The following MYO16 variants were observed in gnomAD, a reference collection of about 807,000 sequenced individuals.
The protein encoded by MYO16 is myosin XVI.
In MYO16, 94 loss-of-function variants were observed where a neutral mutation model predicts 205.3. That is an observed-to-expected ratio of 0.46 (90% CI 0.39 to 0.54). The LOEUF (loss-of-function observed/expected upper bound fraction) is 0.54. Among genes scored for constraint, MYO16 ranks in the 20% least tolerant of loss-of-function variants. MYO16 has a pLI of 0.00. For synonymous variants in MYO16, 988 were observed against 954.0 expected (o/e 1.04, Z -0.66); for missense variants, 2,315 against 2,387.5 (o/e 0.97, Z 0.63).
chr13:108,790,176 C>T (rs538195537), intron 5 of MYO16, among the ~76,000 whole-genome samples: 2 of 152,280 alleles, frequency 1.3e-5, no homozygotes, highest in East Asian at 3.9e-4. Flanking sequence ...AAAACCATCA[C>T]AATAGCGGCA....
rs116512396 is a variant in MYO16, at chr13:108,848,003, G to A, written c.1248+3510G>A. On this transcript the variant is annotated intron_variant, in intron 10 of 34. Coordinates refer to ENST00000457511, the MANE Select transcript of MYO16 (RefSeq NM_001198950.3). ...TGACAGCCTGGAGTAGAGAGAGAGC[G>A]GGAAAGAGGCGTGCAGCTTTGCCGT... Among the ~76,000 whole-genome samples, 333 of 152,284 alleles carry A rather than the reference G, an allele frequency of 2.2e-3. 2 individuals carry two copies. The highest frequency in any genetic ancestry group is 7.5e-3 in the African/African-American group (311 of 41,540).
rs145093373 is a variant in MYO16, at chr13:109,082,331, G to A, written c.3336-18454G>A. 1.2e-4 allele frequency among the ~76,000 whole-genome samples: 18 copies of A among 152,314 alleles called. No homozygotes were observed. In the East Asian group the frequency reaches 3.5e-3, roughly 29 times the overall value. On this transcript the variant is annotated intron_variant, in intron 27 of 34. Transcript: ENST00000457511. ...TTTAAGAAACACTTTTAGCAGCTAA[G>A]TAGAGTTTAGTTTACGATGGTAGCT...
chr13:108,892,242 A>G (rs1001237470), intron 14 of MYO16, among the ~76,000 whole-genome samples: 1 of 152,152 alleles, frequency 6.6e-6, no homozygotes, highest in African/African-American at 2.4e-5. Flanking sequence ...ATTCTACAAC[A>G]AGCTCAAAAT....
At chr13:108,869,731 T>TAAAAAAAAAAAAA (rs68025820) in intron 12 of MYO16, among the ~76,000 whole-genome samples, 4 of 67,026 alleles carry the variant, frequency 6.0e-5, no homozygotes, top group Non-Finnish European at 8.4e-5. Context: ...ACTCCGTTTC[T>TAAAAAAAAAAAAA]AAAAAAAAAA....
rs755963091 is a variant in MYO16, at chr13:109,125,969, CT to C, written c.3782+612del. ...TCCCTCTCCATTTGATCACTCTCCTCTCTCTGTGAATGATGAAGACACCCGT... is the reference window on the plus strand; with the variant it reads ...TCCCTCTCCATTTGATCACTCTCCTCCTCTGTGAATGATGAAGACACCCGT... On this transcript the variant is annotated intron_variant, in intron 30 of 34. Transcript: ENST00000457511. The surrounding 1 kb of genome is among the most constrained non-coding windows in gnomAD (Gnocchi z 4.0). Among the ~76,000 whole-genome samples the C allele has an allele frequency of 3.7e-4, 57 of 152,182 alleles. No individual in the cohort carries two copies. The highest frequency in any genetic ancestry group is 6.2e-4 in the Non-Finnish European group (42 of 68,030).
intron 28 of MYO16, among the ~76,000 whole-genome samples, chr13:109,119,195 C>T (rs1875866294): frequency 6.6e-6 from 1 of 152,190 alleles, no homozygotes; most frequent in African/African-American, 2.4e-5. Context: ...CAAGTCTGAC[C>T]TATAAACCTT....
chr13:108,650,497 C>T (rs1011900907), intron 1 of MYO16, among the ~76,000 whole-genome samples: 3 of 152,072 alleles, frequency 2.0e-5, no homozygotes, highest in African/African-American at 4.8e-5. Context: ...CTCTTCCAAC[C>T]GGAATTGAAG....
At chr13:108,924,596 C>T (rs1388520735) in intron 16 of MYO16, among the ~76,000 whole-genome samples, 5 of 152,142 alleles carry the variant, frequency 3.3e-5, no homozygotes, top group African/African-American at 1.2e-4. Flanking sequence ...GAACCATGTT[C>T]CCAGACGTAC....
At chr13:108,508,228 G>GT in the MYO16 span, among the ~76,000 whole-genome samples, 55 of 137,222 alleles carry the variant, frequency 4.0e-4, no homozygotes, top group South Asian at 5.8e-3. Flanking sequence ...ATGCCTTGTA[G>GT]TTTTTTGCTG....
intron 27 of MYO16, among the ~76,000 whole-genome samples, chr13:109,078,272 CAA>C (rs3042877): frequency 0.24 from 33,050 of 136,268 alleles, 3,734 homozygotes; most frequent in East Asian, 0.49. Context: ...ACTAAAAATA[CAA>C]AAAAAAAAAA....
At chr13:108,648,362 A>G (rs1880847813) in intron 1 of MYO16, among the ~76,000 whole-genome samples, 1 of 152,050 alleles carries the variant, frequency 6.6e-6, no homozygotes, top group Non-Finnish European at 1.5e-5. Context: ...ACTCAACCCC[A>G]TGGCTATGTC....
At chr13:108,861,300 A>G (rs1878440221) in intron 11 of MYO16, among the ~76,000 whole-genome samples, 1 of 152,152 alleles carries the variant, frequency 6.6e-6, no homozygotes, top group Non-Finnish European at 1.5e-5. Flanking sequence ...GTTTTGTAGT[A>G]TTCCTCTCAT....
At chr13:109,074,551 G>C (rs35891112) in intron 27 of MYO16, among the ~76,000 whole-genome samples, 11 of 152,028 alleles carry the variant, frequency 7.2e-5, no homozygotes, top group Non-Finnish European at 1.2e-4. Context: ...TCTCTATCAC[G>C]AGAACAGCAT....
intron 23 of MYO16, among the ~76,000 whole-genome samples, chr13:109,039,674 C>T (rs80221152): frequency 0.024 from 3,640 of 152,158 alleles, 133 homozygotes; most frequent in African/African-American, 0.084. Context: ...TACAACATGT[C>T]AAACTTGTGT....
rs576466436 is a variant in MYO16, at chr13:108,761,309, AGGGACCT to A, written c.508-24325_508-24319del. ...CTCTGATGTCTTATGCCGTCCTAAG[AGGGACCT>A]AGAGTACACAAGATTCCGCAAACAG... On this transcript the variant is annotated intron_variant, in intron 4 of 34. Coordinates refer to ENST00000457511, the MANE Select transcript of MYO16 (RefSeq NM_001198950.3). Among the ~76,000 whole-genome samples, 447 of 152,268 alleles carry A rather than the reference AGGGACCT, an allele frequency of 2.9e-3. 1 individual carries two copies. The highest frequency in any genetic ancestry group is 0.01 in the African/African-American group (427 of 41,544).
chr13:109,183,622 A>G (rs1879550723), intron 34 of MYO16, among the ~76,000 whole-genome samples: 1 of 152,208 alleles, frequency 6.6e-6, no homozygotes, highest in African/African-American at 2.4e-5. Context: ...TCTCCACAGT[A>G]ATATCATGTG....
intron 10 of MYO16, among the ~76,000 whole-genome samples, chr13:108,846,104 A>G (rs1434398867): frequency 1.3e-5 from 2 of 152,122 alleles, no homozygotes; most frequent in African/African-American, 4.8e-5. Flanking sequence ...GTCTGGCATA[A>G]CTTTCCATTT....
At chr13:108,752,012 A>ATGTATC (rs1221133390) in intron 4 of MYO16, among the ~76,000 whole-genome samples, 3 of 152,198 alleles carry the variant, frequency 2.0e-5, no homozygotes, top group Non-Finnish European at 4.4e-5. Context: ...GTTCATGATC[A>ATGTATC]TGTATCTGTA....
Position 108,959,401 on chromosome 13 carries a change from G to C in MYO16, c.2037+1602G>C, listed in dbSNP as rs149645722. Among the ~76,000 whole-genome samples the C allele has an allele frequency of 1.8e-3, 276 of 152,282 alleles. 1 individual carries two copies. The Middle Eastern group carries it at 0.034, about 19-fold the overall frequency. ...TAGAAACCATTCTGCCAAAATATCA[G>C]TTGCCTGGAAACAGGGCTTTGAAAA... On this transcript the variant is annotated intron_variant, in intron 17 of 34. Transcript: ENST00000457511.
Sources: gnomAD v4.1 joint callset for allele counts (sites outside exome capture counted in the v4.1 genomes callset) on GRCh38, gnomAD v4.1.1 for gene constraint, Gnocchi (gnomAD v3.1) non-coding constraint, MANE v1.5 for transcripts, NCBI Gene and HGNC (gene_info 2026-07-23, HGNC 2026-07-21) for gene names.